TENM2: variants seen among roughly 807,000 people sequenced by gnomAD.
TENM2 encodes teneurin transmembrane protein 2.
A neutral mutation model predicts 245.2 loss-of-function variants in TENM2; 52 were observed. That is an observed-to-expected ratio of 0.21 (90% CI 0.17 to 0.27). The LOEUF (loss-of-function observed/expected upper bound fraction) is 0.27. Ranked by LOEUF, TENM2 falls within the 10% of genes least tolerant of loss-of-function variation. The pLI is 1.00. For missense variants in TENM2, 3,046 were observed against 3,666.8 expected, an observed-to-expected ratio of 0.83 and a Z score of 4.37; for synonymous variants, 1,363 against 1,438.9, an observed-to-expected ratio of 0.95 and a Z score of 1.19.
At chr5:167,403,838 A>G (rs184815786) in intron 2 of TENM2, among the ~76,000 whole-genome samples, 13 of 152,096 alleles carry the variant, frequency 8.5e-5, no homozygotes, top group African/African-American at 3.1e-4. Context: ...TGAAATTAGT[A>G]TAGACATAAC....
intron 5 of TENM2, among the ~76,000 whole-genome samples, chr5:168,043,513 C>T (rs570417576): frequency 6.6e-6 from 1 of 152,334 alleles, no homozygotes; most frequent in Non-Finnish European, 1.5e-5. Flanking sequence ...TGTGCTAATT[C>T]TCTCTGGCTG....
the TENM2 span, among the ~76,000 whole-genome samples, chr5:167,265,025 T>C: frequency 6.6e-6 from 1 of 151,814 alleles, no homozygotes; most frequent in African/African-American, 2.4e-5. Context: ...GAAAGCCATG[T>C]GGATAAAGGA....
At chr5:168,008,779 A>T (rs570295330) in intron 5 of TENM2, among the ~76,000 whole-genome samples, 19 of 152,328 alleles carry the variant, frequency 1.2e-4, no homozygotes, top group African/African-American at 4.6e-4. Context: ...TTAAAAATTA[A>T]CCTCATATCT....
the TENM2 span, among the ~76,000 whole-genome samples, chr5:167,012,978 A>C: frequency 6.6e-6 from 1 of 152,196 alleles, no homozygotes; most frequent in African/African-American, 2.4e-5. Flanking sequence ...ATTGGAGTGC[A>C]AAAAGTAAGG....
chr5:167,331,791 A>G (rs1408120403), intron 1 of TENM2, among the ~76,000 whole-genome samples: 1 of 152,284 alleles, frequency 6.6e-6, no homozygotes, highest in East Asian at 1.9e-4. Context: ...GGAAGCAGAG[A>G]ATGTTGTTAA....
chr5:167,914,227 C>T (rs1776758524), intron 3 of TENM2, among the ~76,000 whole-genome samples: 1 of 152,158 alleles, frequency 6.6e-6, no homozygotes, highest in South Asian at 2.1e-4. Context: ...TTTAAAAACA[C>T]ACATTTATTA....
the TENM2 span, among the ~76,000 whole-genome samples, chr5:167,036,683 G>C: frequency 6.6e-6 from 1 of 151,990 alleles, no homozygotes; most frequent in Non-Finnish European, 1.5e-5. Context: ...TTGTATCTTT[G>C]AGTAAGAAGA....
chr5:167,363,520 A>G (rs1170277714), intron 1 of TENM2, among the ~76,000 whole-genome samples: 4 of 152,082 alleles, frequency 2.6e-5, no homozygotes, highest in Non-Finnish European at 5.9e-5. Context: ...TCACAAGGTC[A>G]GGAGGTCAAG....
intron 2 of TENM2, among the ~76,000 whole-genome samples, chr5:167,457,317 A>G: frequency 6.8e-6 from 1 of 147,560 alleles, no homozygotes; most frequent in East Asian, 2.0e-4. Context: ...ATTTTATTTT[A>G]TTTTATTTTA....
At chr5:168,211,889 A>G (rs1762827549) in intron 20 of TENM2, 135 bp downstream of exon 22, 2 of 562,816 alleles carry the variant, frequency 3.6e-6, no homozygotes, top group Non-Finnish European at 6.2e-6. Flanking sequence ...TTTATGTGCT[A>G]ATTGTGTGTT....
intron 2 of TENM2, among the ~76,000 whole-genome samples, chr5:167,800,399 A>C (rs962589043): frequency 6.6e-6 from 1 of 152,206 alleles, no homozygotes; most frequent in Non-Finnish European, 1.5e-5. Context: ...GGAACACCCA[A>C]GACCAGATGT....
At chr5:167,698,582 T>G (rs768814920) in intron 2 of TENM2, among the ~76,000 whole-genome samples, 3 of 152,188 alleles carry the variant, frequency 2.0e-5, no homozygotes, top group Non-Finnish European at 2.9e-5. Flanking sequence ...TTTATTTGGT[T>G]TTCCCTTCCA....
At chr5:167,568,471 T>C (rs1305254927) in intron 2 of TENM2, among the ~76,000 whole-genome samples, 1 of 152,102 alleles carries the variant, frequency 6.6e-6, no homozygotes, top group African/African-American at 2.4e-5. Flanking sequence ...CTACTAGGAA[T>C]ATAGCAGTGA....
At chr5:168,032,857 G>A (rs745800402) in intron 5 of TENM2, among the ~76,000 whole-genome samples, 31 of 152,168 alleles carry the variant, frequency 2.0e-4, no homozygotes, top group Non-Finnish European at 4.1e-4. Context: ...AATGTTAGAG[G>A]TTAGGTGTAA....
intron 3 of TENM2, among the ~76,000 whole-genome samples, chr5:167,945,324 G>A (rs191168178): frequency 9.2e-5 from 14 of 152,180 alleles, no homozygotes; most frequent in South Asian, 4.2e-4. Flanking sequence ...AAGCACCCGG[G>A]GGGGGCACAG....
chr5:167,971,268 G>A (rs1330918818), intron 4 of TENM2, among the ~76,000 whole-genome samples: 1 of 145,970 alleles, frequency 6.9e-6, no homozygotes, highest in Non-Finnish European at 1.5e-5. Flanking sequence ...GAGAGAGAAA[G>A]AAAGGGGAAA....
At position 167,853,289 on chromosome 5, in the gene TENM2, C is replaced by CAAAAAAAAAAAAAAAAAA. The variant is rs777170514; in HGVS notation, c.503-22691_503-22674dup. Among the ~76,000 whole-genome samples, 31 of 24,610 alleles carry CAAAAAAAAAAAAAAAAAA rather than the reference C, an allele frequency of 1.3e-3. 2 individuals carry two copies. Among genetic ancestry groups the CAAAAAAAAAAAAAAAAAA allele is most frequent in the Admixed American group, 2.4e-3 (4 of 1,646 alleles). 16.1% of individuals were successfully genotyped at this position (24,610 alleles called of 152,430 possible). A position where few individuals can be genotyped will look rare whatever the true frequency, so the allele number is the denominator to read the frequency against. ...TGGGAGACAGAGCGAGACTCCGTCTCAAAAAAAAAAAAAAAAAAAAAAAGA... is the reference window on the plus strand; with the variant it reads ...TGGGAGACAGAGCGAGACTCCGTCTCAAAAAAAAAAAAAAAAAAAAAAAAAAAAAAAAAAAAAAAAAGA... On this transcript the variant is annotated intron_variant, in intron 2 of 28. Coordinates refer to ENST00000518659, the Ensembl canonical transcript of TENM2.
At chr5:167,052,394 T>C in the TENM2 span, among the ~76,000 whole-genome samples, 2 of 152,146 alleles carry the variant, frequency 1.3e-5, no homozygotes, top group African/African-American at 4.8e-5. Flanking sequence ...CGTAATTTAA[T>C]AAAAATTTTA....
intron 9 of TENM2, among the ~76,000 whole-genome samples, chr5:168,117,985 A>C (rs1795199882): frequency 6.6e-6 from 1 of 152,206 alleles, no homozygotes; most frequent in South Asian, 2.1e-4. Context: ...ACCTGCAAAA[A>C]TGGGGACCAT....
Sources: allele counts gnomAD v4.1 joint callset (sites outside exome capture counted in the v4.1 genomes callset), GRCh38; gene constraint gnomAD v4.1.1; transcripts MANE v1.5; gene names NCBI Gene and HGNC (gene_info 2026-07-23, HGNC 2026-07-21).